DMXL1: variants seen among roughly 807,000 people sequenced by gnomAD.
DMXL1 encodes the protein Dmx like 1, also known as dmX-like protein 1.
Under a neutral mutation model 319.2 loss-of-function variants are expected in DMXL1, and 99 were observed. The observed-to-expected ratio is 0.31, with a 90% CI of 0.26 to 0.37. The LOEUF (loss-of-function observed/expected upper bound fraction) is 0.37. Among genes scored for constraint, DMXL1 ranks in the 10% least tolerant of loss-of-function variants. DMXL1 has a pLI of 1.00. For missense variants in DMXL1, 3,745 were observed against 3,595.6 expected, an observed-to-expected ratio of 1.04 and a Z score of -1.06; for synonymous variants, 1,385 against 1,235.2, an observed-to-expected ratio of 1.12 and a Z score of -2.54.
At position 119,124,198 on chromosome 5, in the gene DMXL1, C is replaced by T. The variant is rs183637803; in HGVS notation, c.1102+3059C>T. On this transcript the variant is annotated intron_variant, in intron 9 of 43. Coordinates refer to ENST00000539542, the MANE Select transcript of DMXL1 (RefSeq NM_001290321.3). ...GGTGTGGTGGCAGGCACCTGTAGTC[C>T]CAGCTACTTGGGAGGCTGGGGCAGG... Among the ~76,000 whole-genome samples, 762 of 151,754 alleles carry T rather than the reference C, an allele frequency of 5.0e-3. 1 individual carries two copies. Among genetic ancestry groups the T allele is most frequent in the Middle Eastern group, 0.027 (8 of 294 alleles).
chr5:119,146,821 T>C lies in DMXL1; in HGVS notation c.2570-16T>C, dbSNP rs1581007510. Reference sequence around the variant, plus strand: ...TTACACATAGTAACAGTGAAAAATATCATTAATACCAACAGGCAGCTCACC... The same window carrying C: ...TTACACATAGTAACAGTGAAAAATACCATTAATACCAACAGGCAGCTCACC... On this transcript the variant is annotated splice_polypyrimidine_tract_variant and intron_variant, in intron 15 of 43. Transcript: ENST00000539542. 4 of 1,603,748 alleles carry C rather than the reference T, an allele frequency of 2.5e-6. No individual in the cohort carries two copies. The highest frequency in any genetic ancestry group is 3.4e-6 in the Non-Finnish European group (4 of 1,175,608).
In DMXL1 at chr5:119,146,925, T is replaced by C; in HGVS notation, c.2658T>C (p.Asn886=). ...ACCGTTCACTGTTACACATGTGGAA[T>C]TTACATCTAAAGTCAATTCCTGTCT... ...QDNRSLLHMW[N]LHLKSIPVSL... The change falls in exon 16 of 44, where the codon AAT becomes AAC. Residue 886 remains asparagine (N), a synonymous_variant. Transcript: ENST00000539542. The C allele has an allele frequency of 6.2e-7, 1 of 1,612,452 alleles. No homozygotes were observed.
At position 119,151,998 on chromosome 5, in the gene DMXL1, C is replaced by G. The variant is rs772593226; in HGVS notation, c.4664C>G (p.Thr1555Ser). ...GTTCGACTCCATACCTTTCTTACAA[C>G]TTCCCTTCCAGCCTATCGAGCTCAA... Reference protein sequence around the residue: ...LAVRLHTFLTTSLPAYRAQLL... With the variant: ...LAVRLHTFLTSSLPAYRAQLL... The change falls in exon 19 of 44, where the codon ACT becomes AGT. Residue 1555 changes from threonine (T) to serine (S), a missense_variant. Transcript: ENST00000539542. 1.9e-6 allele frequency: 3 copies of G among 1,613,090 alleles called. No individual in the cohort carries two copies. Among genetic ancestry groups the G allele is most frequent in the East Asian group, 4.5e-5 (2 of 44,768 alleles).
chr5:119,231,359 T>C (rs1179523266), intron 38 of DMXL1, among the ~76,000 whole-genome samples: 4 of 152,304 alleles, frequency 2.6e-5, no homozygotes, highest in South Asian at 4.1e-4. Flanking sequence ...CAAAATCTTA[T>C]CTACCTGAGG....
At chr5:119,122,636 G>T (rs1174445776) in intron 9 of DMXL1, among the ~76,000 whole-genome samples, 1 of 150,838 alleles carries the variant, frequency 6.6e-6, no homozygotes, top group African/African-American at 2.4e-5. Context: ...CGGGGCGGCC[G>T]GGCAGAGACG....
chr5:119,234,992 G>A (rs1787471229), intron 39 of DMXL1, among the ~76,000 whole-genome samples: 1 of 152,094 alleles, frequency 6.6e-6, no homozygotes, highest in East Asian at 1.9e-4. Context: ...GTCTTTGCCT[G>A]CACAAGTATC....
At chr5:119,115,463 A>G (rs1228954539) in intron 6 of DMXL1, among the ~76,000 whole-genome samples, 1 of 152,180 alleles carries the variant, frequency 6.6e-6, no homozygotes, top group Non-Finnish European at 1.5e-5. Context: ...AATAAGTCAA[A>G]TTATTGTTCT....
intron 31 of DMXL1, among the ~76,000 whole-genome samples, chr5:119,197,173 C>T (rs924225503): frequency 7.9e-5 from 12 of 152,092 alleles, no homozygotes; most frequent in African/African-American, 2.9e-4. Context: ...TTCTACAGAT[C>T]TTAAAGAGTT....
rs543280130 is a variant in DMXL1 at position 119,135,630 on chromosome 5, T to A, written c.2376+1241T>A. ...GAGGTGATTGGATCATGGGGGCAGT[T>A]CTCCCATCCTGTTCTCATGATAGTG... is the stretch of plus-strand genomic sequence containing the variant. On this transcript the variant is annotated intron_variant, in intron 13 of 43. Coordinates refer to ENST00000539542, the MANE Select transcript of DMXL1 (RefSeq NM_001290321.3). Among the ~76,000 whole-genome samples the A allele has an allele frequency of 2.0e-5, 3 of 152,128 alleles. No homozygotes were observed. In the South Asian group the frequency reaches 6.2e-4, roughly 32 times the overall value.
In DMXL1 at chr5:119,077,830, A is replaced by AATATATACGTGTGTGTGTGTGT. The variant is rs545880393; in HGVS notation, c.87+6197_87+6218dup. ...GGCGAGACCCTATCTGTACTTAAAA[A>AATATATACGTGTGTGTGTGTGT]ATATATACGTGTGTGTGTGTGTATA... On this transcript the variant is annotated intron_variant, in intron 1 of 43. Coordinates refer to ENST00000539542, the MANE Select transcript of DMXL1 (RefSeq NM_001290321.3). Among the ~76,000 whole-genome samples, 865 of 138,290 alleles carry AATATATACGTGTGTGTGTGTGT rather than the reference A, an allele frequency of 6.3e-3. 20 individuals are homozygous for AATATATACGTGTGTGTGTGTGT. Among genetic ancestry groups the AATATATACGTGTGTGTGTGTGT allele is most frequent in the African/African-American group, 0.022 (792 of 35,530 alleles). 90.7% of individuals were successfully genotyped at this position (138,290 alleles called of 152,430 possible).
intron 2 of DMXL1, chr5:119,100,500 C>A (rs1298045745): frequency 6.7e-6 from 1 of 148,558 alleles, no homozygotes; most frequent in East Asian, 1.9e-4. Context: ...CTGTTTTTTT[C>A]TTTGTACTGT....
intron 42 of DMXL1, among the ~76,000 whole-genome samples, 176 bp downstream of exon 42, chr5:119,240,647 A>C (rs896785117): frequency 1.3e-5 from 2 of 152,150 alleles, no homozygotes; most frequent in African/African-American, 4.8e-5. Context: ...TTAACTCTTC[A>C]CTATACCTTG....
intron 7 of DMXL1, 37 bp downstream of exon 7, chr5:119,116,373 G>T: frequency 6.3e-7 from 1 of 1,580,980 alleles, no homozygotes; most frequent in Non-Finnish European, 8.6e-7. Flanking sequence ...CATATTAAGG[G>T]AGCATCATCT....
rs1788304909 is a variant in DMXL1, at chr5:119,239,182, A to G, written c.8651+102A>G. On this transcript the variant is annotated intron_variant, in intron 41 of 43. Coordinates refer to ENST00000539542, the MANE Select transcript of DMXL1 (RefSeq NM_001290321.3). ...GACTAAAGTTTACTTATGGCTTTAGATACAGTATTTTTATTCTAAAAACTA... is the reference window on the plus strand; with the variant it reads ...GACTAAAGTTTACTTATGGCTTTAGGTACAGTATTTTTATTCTAAAAACTA... 7.5e-6 allele frequency: 9 copies of G among 1,205,026 alleles called. No homozygotes were observed. In the Admixed American group the frequency reaches 2.0e-4, roughly 26 times the overall value. 74.6% of individuals were successfully genotyped at this position (1,205,026 alleles called of 1,614,324 possible). A position where few individuals can be genotyped will look rare whatever the true frequency, so the allele number is the denominator to read the frequency against.
In DMXL1 at chr5:119,171,058, A is replaced by C. The variant is rs1774446109; in HGVS notation, c.6267A>C (p.Arg2089Ser). Residue 2089 changes from arginine to serine, a missense_variant, in exon 24 of 44, where the codon AGA becomes AGC. This residue lies in a region of DMXL1 where 1,382 missense variants were observed against 1,269.5 expected (regional missense o/e 1.09). Coordinates refer to ENST00000539542, the MANE Select transcript of DMXL1 (RefSeq NM_001290321.3). ...AAGAACTACAGTCTGCATTTGGCAGAAATGAAGATGAATTTGGATTAAATG... is the reference window on the plus strand; with the variant it reads ...AAGAACTACAGTCTGCATTTGGCAGCAATGAAGATGAATTTGGATTAAATG... ...DAEELQSAFGRNEDEFGLNED... is the reference protein window; with the variant it reads ...DAEELQSAFGSNEDEFGLNED... 2 of 1,613,844 alleles carry C rather than the reference A, an allele frequency of 1.2e-6. No individual in the cohort carries two copies. The highest frequency in any genetic ancestry group is 1.3e-5 in the African/African-American group (1 of 74,914).
chr5:119,102,410 C>G (rs1483673354), intron 3 of DMXL1, among the ~76,000 whole-genome samples: 1 of 152,166 alleles, frequency 6.6e-6, no homozygotes, highest in African/African-American at 2.4e-5. Flanking sequence ...TTATTTAGAT[C>G]ATGTAATACA....
chr5:119,095,509 A>G (rs1286745651), intron 1 of DMXL1, among the ~76,000 whole-genome samples: 2 of 152,250 alleles, frequency 1.3e-5, no homozygotes, highest in Admixed American at 1.3e-4. Flanking sequence ...GCAACGTAAT[A>G]TCTGAAATTA....
chr5:119,134,238 G>C (rs761694016), intron 12 of DMXL1, 30 bp from the exon 13 acceptor site: 1 of 1,604,004 alleles, frequency 6.2e-7, no homozygotes, highest in African/African-American at 1.3e-5. Flanking sequence ...ATCAAAGGGT[G>C]AAATTTTAAT....
At chr5:119,176,115 GTCT>G (rs1561801505) in intron 26 of DMXL1, among the ~76,000 whole-genome samples, 1 of 151,894 alleles carries the variant, frequency 6.6e-6, no homozygotes, top group Non-Finnish European at 1.5e-5. Flanking sequence ...GCAATGTCCT[GTCT>G]TATTTAGCAA....
Sources: allele counts gnomAD v4.1 joint callset (sites outside exome capture counted in the v4.1 genomes callset), GRCh38; gene constraint gnomAD v4.1.1; regional missense constraint gnomAD v4.1.1; transcripts MANE v1.5; gene names NCBI Gene and HGNC (gene_info 2026-07-23, HGNC 2026-07-21).